The following ZNF420 variants were observed in gnomAD, a reference collection of about 807,000 sequenced individuals.
ZNF420 encodes zinc finger protein 420, also known as ATM and p53-associated KZNF protein.
ZNF420 carries 31 observed loss-of-function variants against 44.7 expected under a neutral mutation model. The observed-to-expected ratio is 0.69, with a 90% confidence interval of 0.52 to 0.94. The LOEUF (loss-of-function observed/expected upper bound fraction) is 0.94. ZNF420 is among the 40% of genes least tolerant of loss of function. The pLI is 0.00. For synonymous variants in ZNF420, 245 were observed against 267.4 expected, an observed-to-expected ratio of 0.92 and a Z score of 0.82; for missense variants, 681 against 827.9, an observed-to-expected ratio of 0.82 and a Z score of 2.18.
At chr19:37,089,662 A>G (rs1157884008) in intron 3 of ZNF420, among the ~76,000 whole-genome samples, 1 of 152,202 alleles carries the variant, frequency 6.6e-6, no homozygotes, top group Non-Finnish European at 1.5e-5. Flanking sequence ...TCTTGAATGT[A>G]TAAATTTGGA....
chr19:37,100,295 A>G (rs73626564), intron 4 of ZNF420, among the ~76,000 whole-genome samples: 163 of 151,748 alleles, frequency 1.1e-3, no homozygotes, highest in African/African-American at 3.9e-3. Context: ...TGGGTTCTCT[A>G]TCCTGTTCCA....
chr19:37,091,277 G>A (rs965472126), intron 4 of ZNF420, 156 bp downstream of exon 4: 4 of 702,498 alleles, frequency 5.7e-6, no homozygotes, highest in Non-Finnish European at 8.6e-6. Context: ...GTTTCTCAGG[G>A]CACCTTTATC....
intron 2 of ZNF420, among the ~76,000 whole-genome samples, chr19:37,087,282 C>CAA (rs199903253): frequency 6.1e-4 from 74 of 121,448 alleles, no homozygotes; most frequent in East Asian, 1.4e-3. Flanking sequence ...GACCCTGTCT[C>CAA]AAAAAAAAAA....
At chr19:37,124,538 TAC>T (rs1345708992) in intron 4 of ZNF420, among the ~76,000 whole-genome samples, 5 of 152,244 alleles carry the variant, frequency 3.3e-5, no homozygotes, top group Non-Finnish European at 7.3e-5. Context: ...TTACCATAGT[TAC>T]AGTGTTTTGC....
At chr19:37,013,999 C>T (rs1239822043) in intron 1 of ZNF420, among the ~76,000 whole-genome samples, 1 of 152,102 alleles carries the variant, frequency 6.6e-6, no homozygotes, top group Non-Finnish European at 1.5e-5. Context: ...TGGGGACCTT[C>T]GGAAGAAAGC....
intron 4 of ZNF420, among the ~76,000 whole-genome samples, chr19:37,110,168 T>TG (rs1412027123): frequency 2.6e-5 from 4 of 152,242 alleles, no homozygotes. Flanking sequence ...TCTGGCAGGT[T>TG]GTCCATATGA....
At position 37,128,904 on chromosome 19, in the gene ZNF420, C is replaced by T. The variant is rs769983194; in HGVS notation, c.1913C>T (p.Thr638Ile). The change falls in exon 5 of 5, where the codon ACT (threonine) becomes ATT (isoleucine). Residue 638 changes from threonine to isoleucine, a missense_variant. Physicochemically the swap from Thr to Ile is moderately conservative, Grantham distance 89. Transcript: ENST00000337995. ...CTTTCTCGGCATCAGAGAATTCATACTGGTGAGAAACCATATCAATGTAAG... is the reference window on the plus strand; with the variant it reads ...CTTTCTCGGCATCAGAGAATTCATATTGGTGAGAAACCATATCAATGTAAG... ...SHLSRHQRIH[T>I]GEKPYQCKEC... is the part of the protein sequence containing the mutation. The T allele has an allele frequency of 1.9e-5, 31 of 1,613,948 alleles. No homozygotes were observed. In the East Asian group the frequency reaches 6.7e-4, roughly 35 times the overall value.
At chr19:37,096,431 C>CT (rs1369508177) in intron 4 of ZNF420, among the ~76,000 whole-genome samples, 1 of 152,194 alleles carries the variant, frequency 6.6e-6, no homozygotes, top group Non-Finnish European at 1.5e-5. Flanking sequence ...CAGGCCAAGA[C>CT]TGAAAAGTCC....
At chr19:37,073,151 G>C (rs1339012609) in intron 1 of ZNF420, among the ~76,000 whole-genome samples, 2 of 152,060 alleles carry the variant, frequency 1.3e-5, no homozygotes, top group Non-Finnish European at 2.9e-5. Context: ...AGGTTACCAT[G>C]AGCCATGATT....
rs917472906 is a variant in ZNF420 at position 37,101,580 on chromosome 19, A to G, written c.136+10459A>G. Reference sequence around the variant, plus strand: ...TTCCAAAGGCCTTCCAGACATTCTAAGCAGACTATCTATCTGTTGTATTCC... The same window carrying G: ...TTCCAAAGGCCTTCCAGACATTCTAGGCAGACTATCTATCTGTTGTATTCC... On this transcript the variant is annotated intron_variant, in intron 4 of 4. Coordinates refer to ENST00000337995, the MANE Select transcript of ZNF420 (RefSeq NM_144689.5). Among the ~76,000 whole-genome samples the G allele has an allele frequency of 5.3e-5, 8 of 152,364 alleles. No individual in the cohort carries two copies. The South Asian group carries it at 1.7e-3, about 32-fold the overall frequency.
upstream of ZNF420, among the ~76,000 whole-genome samples, chr19:37,073,593 T>C (rs1342237843): frequency 1.3e-5 from 2 of 151,120 alleles, no homozygotes; most frequent in Non-Finnish European, 2.9e-5. Context: ...ATAAAAAAAT[T>C]AGCCGGGCAT....
chr19:37,027,596 T>G (rs1420136942), intron 1 of ZNF420, among the ~76,000 whole-genome samples: 4 of 152,218 alleles, frequency 2.6e-5, no homozygotes, highest in Non-Finnish European at 4.4e-5. Context: ...TGCTCAAGCC[T>G]CTGGCAACCA....
At chr19:37,077,850 T>C (rs938502694), upstream of ZNF420, among the ~76,000 whole-genome samples, 2 of 151,984 alleles carry the variant, frequency 1.3e-5, no homozygotes, top group African/African-American at 4.8e-5. Flanking sequence ...TGTTAGACGA[T>C]TCTACACAGT....
rs1177730502 is a variant in ZNF420 at position 37,127,771 on chromosome 19, T to C, written c.780T>C (p.Phe260=). Residue 260 remains phenylalanine, a synonymous_variant, in exon 5 of 5, where the codon TTT becomes TTC. Transcript: ENST00000337995. ...AATGTAAAGAATGTGGGAAGGCCTT[T>C]ACTCAGAATTCACAACTTACACTAC... is the stretch of plus-strand genomic sequence containing the variant. ...PYECKECGKA[F]TQNSQLTLHQ... 1 of 1,614,012 alleles carries C rather than the reference T, an allele frequency of 6.2e-7. No homozygotes were observed. The highest frequency in any genetic ancestry group is 8.5e-7 in the Non-Finnish European group (1 of 1,179,938).
intron 1 of ZNF420, among the ~76,000 whole-genome samples, chr19:37,060,962 A>C (rs1967867444): frequency 6.6e-6 from 1 of 151,976 alleles, no homozygotes; most frequent in Admixed American, 6.5e-5. Flanking sequence ...GGTGGGGTGA[A>C]CTTTGCAGGA....
At chr19:37,025,971 C>T (rs1967150360) in intron 1 of ZNF420, among the ~76,000 whole-genome samples, 1 of 151,754 alleles carries the variant, frequency 6.6e-6, no homozygotes, top group Non-Finnish European at 1.5e-5. Context: ...AGTAATTCAT[C>T]CTTGATACTA....
intron 1 of ZNF420, among the ~76,000 whole-genome samples, chr19:37,008,637 G>A (rs2074546463): frequency 6.6e-6 from 1 of 152,226 alleles, no homozygotes; most frequent in African/African-American, 2.4e-5. Context: ...CAGGCTTAAA[G>A]AAGAAGCCGG....
At chr19:37,090,578 G>T (rs534621134) in intron 3 of ZNF420, among the ~76,000 whole-genome samples, 1 of 151,964 alleles carries the variant, frequency 6.6e-6, no homozygotes, top group Non-Finnish European at 1.5e-5. Context: ...CAGCCCATGT[G>T]CTCTGTTGCT....
chr19:37,034,300 C>T (rs1372611724), intron 1 of ZNF420, among the ~76,000 whole-genome samples: 2 of 151,934 alleles, frequency 1.3e-5, no homozygotes, highest in African/African-American at 2.4e-5. Flanking sequence ...TGCTTGATGG[C>T]CAGTTGTATA....
Sources: allele counts gnomAD v4.1 joint callset (sites outside exome capture counted in the v4.1 genomes callset), GRCh38; gene constraint gnomAD v4.1.1; transcripts MANE v1.5; gene names NCBI Gene and HGNC (gene_info 2026-07-23, HGNC 2026-07-21).